The following ANO10 variants were observed in gnomAD, a reference collection of about 807,000 sequenced individuals.
ANO10 encodes the protein anoctamin-10.
Under a neutral mutation model 74.7 loss-of-function variants are expected in ANO10, and 77 were observed. The ratio of observed to expected loss-of-function variants is 1.03; its 90% CI spans 0.86 to 1.25. The LOEUF (loss-of-function observed/expected upper bound fraction) is 1.25. Among genes scored for constraint, ANO10 ranks in the 50% most tolerant of loss-of-function variants. The pLI is 0.00. For missense variants in ANO10, 721 were observed against 778.1 expected (o/e 0.93, Z 0.87); for synonymous variants, 279 against 284.9 (o/e 0.98, Z 0.21).
intron 11 of ANO10, among the ~76,000 whole-genome samples, chr3:43,476,368 C>T (rs1436235650): frequency 6.6e-6 from 1 of 152,090 alleles, no homozygotes; most frequent in Non-Finnish European, 1.5e-5. Flanking sequence ...AGAGTCTCTA[C>T]CTCTTCTAGG....
At chr3:43,428,222 G>A (rs2092926764) in intron 12 of ANO10, among the ~76,000 whole-genome samples, 1 of 151,868 alleles carries the variant, frequency 6.6e-6, no homozygotes, top group Non-Finnish European at 1.5e-5. Context: ...GCTAATTTTT[G>A]TATTTTTAGT....
intron 11 of ANO10, among the ~76,000 whole-genome samples, chr3:43,535,134 C>A (rs762225671): frequency 4.6e-5 from 7 of 151,852 alleles, no homozygotes; most frequent in Non-Finnish European, 1.0e-4. Flanking sequence ...CCACCACACC[C>A]GGCTAATTTT....
At chr3:43,443,679 C>CTTTTTT (rs59685910) in intron 11 of ANO10, among the ~76,000 whole-genome samples, 10 of 122,014 alleles carry the variant, frequency 8.2e-5, no homozygotes, top group African/African-American at 2.5e-4. Flanking sequence ...TTCCTTCCTT[C>CTTTTTT]TTTTTTTTTT....
intron 11 of ANO10, among the ~76,000 whole-genome samples, chr3:43,511,233 G>T (rs1379913377): frequency 6.6e-6 from 1 of 152,076 alleles, no homozygotes; most frequent in Non-Finnish European, 1.5e-5. Context: ...TATACATTAT[G>T]GTTGTTTTAG....
intron 10 of ANO10, among the ~76,000 whole-genome samples, chr3:43,553,039 C>A (rs1448645975): frequency 6.6e-6 from 1 of 152,088 alleles, no homozygotes; most frequent in East Asian, 1.9e-4. Flanking sequence ...GGTGATCCAC[C>A]TGCCTCAGCC....
At chr3:43,679,285 G>C (rs1158997582) in intron 1 of ANO10, among the ~76,000 whole-genome samples, 2 of 152,206 alleles carry the variant, frequency 1.3e-5, no homozygotes, top group African/African-American at 4.8e-5. Flanking sequence ...GGCACACCAG[G>C]AGATTATATC....
intron 1 of ANO10, among the ~76,000 whole-genome samples, chr3:43,680,070 A>G (rs2084174065): frequency 6.6e-6 from 1 of 152,240 alleles, no homozygotes; most frequent in Admixed American, 6.5e-5. Flanking sequence ...CCAGCAACGG[A>G]ACAAAGCTGG....
chr3:43,613,733 C>T (rs993694937), intron 1 of ANO10, among the ~76,000 whole-genome samples: 2 of 152,124 alleles, frequency 1.3e-5, no homozygotes, highest in Non-Finnish European at 2.9e-5. Context: ...GAGTTCATCA[C>T]CTTCAAAATG....
chr3:43,663,735 T>C (rs2083953937), intron 1 of ANO10, among the ~76,000 whole-genome samples: 1 of 152,074 alleles, frequency 6.6e-6, no homozygotes, highest in African/African-American at 2.4e-5. Flanking sequence ...AGCATTCCTA[T>C]ACACCAGTAA....
intron 11 of ANO10, among the ~76,000 whole-genome samples, chr3:43,455,821 A>G (rs780215191): frequency 9.9e-5 from 15 of 152,160 alleles, no homozygotes; most frequent in Non-Finnish European, 2.1e-4. Context: ...ATTCTGACAC[A>G]AAGATGAATA....
intron 12 of ANO10, among the ~76,000 whole-genome samples, chr3:43,408,970 T>C (rs1021274628): frequency 6.6e-6 from 1 of 152,106 alleles, no homozygotes; most frequent in Non-Finnish European, 1.5e-5. Flanking sequence ...AGAAAGAGGC[T>C]GCAGTGGGTC....
intron 5 of ANO10, among the ~76,000 whole-genome samples, chr3:43,577,516 T>C (rs764427183): frequency 5.8e-4 from 89 of 152,140 alleles, no homozygotes; most frequent in Non-Finnish European, 7.8e-4. Flanking sequence ...TGGACTCTGT[T>C]TCCCCTCACC....
intron 5 of ANO10, among the ~76,000 whole-genome samples, chr3:43,578,090 C>G (rs1045854731): frequency 4.6e-5 from 7 of 152,088 alleles, no homozygotes; most frequent in African/African-American, 1.7e-4. Flanking sequence ...TAATAATACA[C>G]AGTTAACATA....
At chr3:43,423,053 G>A (rs1459713942) in intron 12 of ANO10, among the ~76,000 whole-genome samples, 2 of 151,956 alleles carry the variant, frequency 1.3e-5, no homozygotes, top group Non-Finnish European at 2.9e-5. Context: ...CGTGATTTGG[G>A]GTTATTTTAC....
Position 43,398,973 on chromosome 3 carries a change from G to A in ANO10, c.1915-31999C>T, listed in dbSNP as rs149630853. 4.7e-3 allele frequency among the ~76,000 whole-genome samples: 722 copies of A among 152,220 alleles called. 6 individuals carry two copies. Among genetic ancestry groups the A allele is most frequent in the African/African-American group, 0.017 (687 of 41,538 alleles). Reference sequence around the variant, plus strand: ...TCTCCCAAGTAGCTGAACTACAGGCGTGCGACACCATGCCCAGCTAATTTT... The same window carrying A: ...TCTCCCAAGTAGCTGAACTACAGGCATGCGACACCATGCCCAGCTAATTTT... On this transcript the variant is annotated intron_variant, in intron 12 of 12. Coordinates refer to ENST00000292246, the MANE Select transcript of ANO10 (RefSeq NM_018075.5).
At chr3:43,401,700 C>G (rs2092484769) in intron 12 of ANO10, among the ~76,000 whole-genome samples, 1 of 152,140 alleles carries the variant, frequency 6.6e-6, no homozygotes, top group African/African-American at 2.4e-5. Context: ...GAATGGAGCA[C>G]TTTCCATATT....
rs140944593 is a variant in ANO10, at chr3:43,550,750, T to G, written c.1669-902A>C. 3.2e-3 allele frequency among the ~76,000 whole-genome samples: 489 copies of G among 152,292 alleles called. 2 individuals are homozygous for G. Among genetic ancestry groups the G allele is most frequent in the African/African-American group, 0.011 (454 of 41,562 alleles). On this transcript the variant is annotated intron_variant, in intron 10 of 12. Transcript: ENST00000292246. ...CTTTACTTTAGTTTAAAATTTCTAT[T>G]TATTTACTTTTGATTATATTCTCAT...
rs370043835 is a variant in ANO10, at chr3:43,571,712, C to G, written c.1218+3097G>C. Among the ~76,000 whole-genome samples the G allele has an allele frequency of 2.3e-3, 348 of 151,448 alleles. 2 individuals are homozygous for G. The highest frequency in any genetic ancestry group is 8.1e-3 in the African/African-American group (334 of 41,232). ...GGGTGGGGGCAGGGGGGAGGGATAGCATTGGGAGATATACCTAATGCTAGA... is the reference window on the plus strand; with the variant it reads ...GGGTGGGGGCAGGGGGGAGGGATAGGATTGGGAGATATACCTAATGCTAGA... On this transcript the variant is annotated intron_variant, in intron 7 of 12. Transcript: ENST00000292246.
rs567354057 is a variant in ANO10 at position 43,440,483 on chromosome 3, G to C, written c.1798-7756C>G. Among the ~76,000 whole-genome samples, 275 of 151,978 alleles carry C rather than the reference G, an allele frequency of 1.8e-3. 1 individual carries two copies. The highest frequency in any genetic ancestry group is 6.3e-3 in the African/African-American group (261 of 41,440). ...TGAGGATATTATGTAAAAACGAAAG[G>C]GCCAAATTATATAGAAAGATATAAC... is the stretch of plus-strand genomic sequence containing the variant. On this transcript the variant is annotated intron_variant, in intron 11 of 12. Coordinates refer to ENST00000292246, the MANE Select transcript of ANO10 (RefSeq NM_018075.5).
Sources: allele counts gnomAD v4.1 joint callset (sites outside exome capture counted in the v4.1 genomes callset), GRCh38; gene constraint gnomAD v4.1.1; transcripts MANE v1.5; gene names NCBI Gene and HGNC (gene_info 2026-07-23, HGNC 2026-07-21).